URI1: variants seen among roughly 807,000 people sequenced by gnomAD.
The protein encoded by URI1 is unconventional prefoldin RPB5 interactor 1.
A neutral mutation model predicts 60.2 loss-of-function variants in URI1; 39 were observed. The observed-to-expected ratio is 0.65, with a 90% CI of 0.50 to 0.85. The LOEUF is 0.85. Ranked by LOEUF, URI1 falls within the 40% of genes least tolerant of loss-of-function variation. URI1 has a pLI of 0.00. For synonymous variants in URI1, 251 were observed against 236.8 expected (o/e 1.06, Z -0.55); for missense variants, 691 against 665.9 (o/e 1.04, Z -0.42).
chr19:30,003,837 T>C lies in URI1; in HGVS notation c.368-1524T>C, dbSNP rs117278609. Among the ~76,000 whole-genome samples, 197 of 152,218 alleles carry C rather than the reference T, an allele frequency of 1.3e-3. 3 individuals carry two copies. The East Asian group carries it at 0.034, about 27-fold the overall frequency. ...TTTCCAGTCTTCTTGAAAAAAGTTATTGATTTGACCTCCTACCTAAAATAA... is the reference window on the plus strand; with the variant it reads ...TTTCCAGTCTTCTTGAAAAAAGTTACTGATTTGACCTCCTACCTAAAATAA... On this transcript the variant is annotated intron_variant, in intron 4 of 10. Coordinates refer to ENST00000392271, the MANE Select transcript of URI1 (RefSeq NM_003796.3).
chr19:30,008,974 G>C, intron 7 of URI1, 31 bp from the exon 8 acceptor site: 6 of 1,508,272 alleles, frequency 4.0e-6, no homozygotes, highest in Non-Finnish European at 5.4e-6. Flanking sequence ...TAGTATGTTT[G>C]TTTGATCTTG....
chr19:29,979,642 T>G (rs1400782406), intron 2 of URI1, among the ~76,000 whole-genome samples: 3 of 152,208 alleles, frequency 2.0e-5, no homozygotes, highest in Non-Finnish European at 4.4e-5. Context: ...TTTCATTGAC[T>G]TGAAAAATTA....
chr19:29,937,763 A>C (rs1221567028), upstream of URI1: 1 of 152,152 alleles, frequency 6.6e-6, no homozygotes, highest in East Asian at 1.9e-4. Context: ...CCAATACAGG[A>C]GTCTGTGCTA....
intron 4 of URI1, among the ~76,000 whole-genome samples, chr19:30,002,310 C>T (rs2055889031): frequency 6.6e-6 from 1 of 151,962 alleles, no homozygotes; most frequent in Admixed American, 6.6e-5. Flanking sequence ...GTAGGCATAT[C>T]GTTTATCTTT....
rs2055957796 is a variant in URI1, at chr19:30,007,469, G to A, written c.518-1G>A. ...CCACGTCTTTTCCTTTTTCTAAATAGCAAAACACCGAATTGCTCATAAACC... is the reference window on the plus strand; with the variant it reads ...CCACGTCTTTTCCTTTTTCTAAATAACAAAACACCGAATTGCTCATAAACC... On this transcript the variant is annotated splice_acceptor_variant, in intron 6 of 10. Transcript: ENST00000392271. LOFTEE classifies it high-confidence loss of function. 6.2e-7 allele frequency: 1 copy of A among 1,611,552 alleles called. No individual in the cohort carries two copies. The highest frequency in any genetic ancestry group is 1.3e-5 in the African/African-American group (1 of 74,626).
At chr19:30,004,695 A>G (rs762920367) in intron 4 of URI1, 1 of 152,088 alleles carries the variant, frequency 6.6e-6, no homozygotes, top group Admixed American at 6.6e-5. Context: ...TTTACTGCTT[A>G]GCAGAGATTT....
chr19:30,015,429 A>T lies in URI1; in HGVS notation c.*360A>T. 1 of 1,496,218 alleles carries T rather than the reference A, an allele frequency of 6.7e-7. No homozygotes were observed. 92.7% of individuals were successfully genotyped at this position (1,496,218 alleles called of 1,614,324 possible). On this transcript the variant is annotated 3_prime_UTR_variant, in exon 11 of 11. Coordinates refer to ENST00000392271, the MANE Select transcript of URI1 (RefSeq NM_003796.3). ...TGCCAGCTGTGATATTGTGCATACC[A>T]TATGGACCATTTTAAAGAAAATTTT...
chr19:29,990,639 C>T (rs993839984), intron 4 of URI1, among the ~76,000 whole-genome samples: 2 of 152,008 alleles, frequency 1.3e-5, no homozygotes, highest in African/African-American at 4.8e-5. Context: ...TTGTATGATT[C>T]CATTTACATG....
intron 4 of URI1, among the ~76,000 whole-genome samples, chr19:30,001,719 G>T (rs1161871960): frequency 6.6e-6 from 1 of 151,910 alleles, no homozygotes; most frequent in African/African-American, 2.4e-5. Context: ...GCCACAGTTA[G>T]GTTCCATTTT....
At chr19:29,989,299 G>T (rs534209425) in intron 4 of URI1, among the ~76,000 whole-genome samples, 9 of 151,882 alleles carry the variant, frequency 5.9e-5, no homozygotes, top group Non-Finnish European at 8.8e-5. Context: ...TTTTAGTAGA[G>T]ATGGGGTTTC....
rs2056073020 is a variant in URI1, at chr19:30,015,319, C to T, written c.*250C>T. The T allele has an allele frequency of 1.4e-6, 2 of 1,413,752 alleles. No homozygotes were observed. Among genetic ancestry groups the T allele is most frequent in the Non-Finnish European group, 1.8e-6 (2 of 1,090,242 alleles). 87.6% of individuals were successfully genotyped at this position (1,413,752 alleles called of 1,614,324 possible). On this transcript the variant is annotated 3_prime_UTR_variant, in exon 11 of 11. Transcript: ENST00000392271. ...CTTATCTAAGTTTGCCTTTATGATG[C>T]AGTGGCAGCATTTTGAATTACTTTT...
chr19:30,015,242 G>A lies in URI1; in HGVS notation c.*173G>A, dbSNP rs955626754. 2 of 1,417,256 alleles carry A rather than the reference G, an allele frequency of 1.4e-6. No homozygotes were observed. Among genetic ancestry groups the A allele is most frequent in the Non-Finnish European group, 1.8e-6 (2 of 1,090,210 alleles). The allele number at this position is 1,417,256 out of a possible 1,614,324, so 87.8% of individuals were successfully genotyped here. Reference sequence around the variant, plus strand: ...TTGAAAAAAATCAAGGTAACTGTCTGAATACTTTAATATCAGCTTGTTTTG... The same window carrying A: ...TTGAAAAAAATCAAGGTAACTGTCTAAATACTTTAATATCAGCTTGTTTTG... On this transcript the variant is annotated 3_prime_UTR_variant, in exon 11 of 11. Coordinates refer to ENST00000392271, the MANE Select transcript of URI1 (RefSeq NM_003796.3).
At chr19:29,938,023 T>G (rs1340740205), upstream of URI1, 1 of 152,144 alleles carries the variant, frequency 6.6e-6, no homozygotes, top group Non-Finnish European at 1.5e-5. Context: ...GCCTGTCTAA[T>G]TTTTTGTATC....
chr19:29,983,007 G>A (rs1377840895), intron 2 of URI1, among the ~76,000 whole-genome samples: 1 of 152,138 alleles, frequency 6.6e-6, no homozygotes, highest in Non-Finnish European at 1.5e-5. Context: ...TGACTTCAAA[G>A]CCATGTTCTT....
intron 1 of URI1, among the ~76,000 whole-genome samples, chr19:29,965,826 A>G (rs1444370122): frequency 2.0e-5 from 3 of 152,160 alleles, no homozygotes; most frequent in South Asian, 2.1e-4. Context: ...TAAAGCCAAC[A>G]AGGGAGGGAG....
intron 1 of URI1, among the ~76,000 whole-genome samples, chr19:29,954,665 C>T (rs925769088): frequency 3.3e-5 from 5 of 151,920 alleles, no homozygotes; most frequent in African/African-American, 1.2e-4. Context: ...CAGGCGCCCA[C>T]CACCATGCCC....
At chr19:29,999,287 G>A (rs758026478) in intron 4 of URI1, among the ~76,000 whole-genome samples, 1 of 152,004 alleles carries the variant, frequency 6.6e-6, no homozygotes, top group Non-Finnish European at 1.5e-5. Context: ...TTTTCATATA[G>A]CTTTGAGTTA....
chr19:30,006,146 T>C (rs952779649), intron 6 of URI1, among the ~76,000 whole-genome samples: 3 of 152,136 alleles, frequency 2.0e-5, no homozygotes, highest in Admixed American at 6.6e-5. Context: ...ATTCCTCTTA[T>C]GGTGCCTGCA....
intron 4 of URI1, among the ~76,000 whole-genome samples, chr19:29,986,678 G>T (rs1380092756): frequency 6.6e-6 from 1 of 152,152 alleles, no homozygotes; most frequent in Non-Finnish European, 1.5e-5. Context: ...ATGTGATTTT[G>T]TAGTTAGAAG....
Sources: gnomAD v4.1 joint callset for allele counts (sites outside exome capture counted in the v4.1 genomes callset) on GRCh38, gnomAD v4.1.1 for gene constraint, MANE v1.5 for transcripts, NCBI Gene and HGNC (gene_info 2026-07-23, HGNC 2026-07-21) for gene names.